CSF2RA: variants seen among roughly 807,000 people sequenced by gnomAD.
CSF2RA encodes the protein colony stimulating factor 2 receptor subunit alpha, also known as granulocyte-macrophage colony-stimulating factor receptor subunit alpha.
Under a neutral mutation model 51.6 loss-of-function variants are expected in CSF2RA, and 42 were observed. The ratio of observed to expected loss-of-function variants is 0.81; its 90% CI spans 0.64 to 1.05. CSF2RA has a LOEUF of 1.05. CSF2RA is among the 50% of genes least tolerant of loss of function. CSF2RA has a pLI of 0.00. For missense variants in CSF2RA, 530 were observed against 501.1 expected, an observed-to-expected ratio of 1.06 and a Z score of -0.55; for synonymous variants, 222 against 193.0, an observed-to-expected ratio of 1.15 and a Z score of -1.24.
the CSF2RA span, among the ~76,000 whole-genome samples, chrX:1,319,560 C>G: frequency 2.0e-4 from 29 of 148,376 alleles, 4 homozygotes; most frequent in East Asian, 5.9e-3. Flanking sequence ...AGTGATGGGT[C>G]TACAGGCATG....
chrX:1,283,999 A>G (rs2090347527), intron 3 of CSF2RA, among the ~76,000 whole-genome samples: 1 of 152,004 alleles, frequency 6.6e-6, no homozygotes, highest in East Asian at 1.9e-4. Context: ...TCAGGAAAGT[A>G]TTTCCAGGTT....
intron 10 of CSF2RA, among the ~76,000 whole-genome samples, 173 bp from the exon 11 acceptor site, chrX:1,303,750 T>A (rs1174084025): frequency 6.6e-6 from 1 of 152,190 alleles, no homozygotes; most frequent in African/African-American, 2.4e-5. Flanking sequence ...GTTGCTTTCA[T>A]CTCAGAGCCA....
chrX:1,290,410 C>G lies in CSF2RA; in HGVS notation c.547C>G (p.Leu183Val), dbSNP rs138354387. 2 of 1,613,614 alleles carry G rather than the reference C, an allele frequency of 1.2e-6. No homozygotes were observed. The highest frequency in any genetic ancestry group is 2.7e-5 in the African/African-American group (2 of 75,014). ...CCATGTGGGATGTCACCTGGATAAC[C>G]TGTCAGGATTAACGTCTCGCAATTA... is the stretch of plus-strand genomic sequence containing the variant. ...GTHVGCHLDN[L>V]SGLTSRNYFL... Residue 183 changes from leucine (L) to valine (V), a missense_variant, in exon 7 of 13, where the codon CTG (leucine) becomes GTG (valine). Transcript: ENST00000381529.
In CSF2RA at chrX:1,303,994, A is replaced by T. The variant is rs1283842495; in HGVS notation, c.1018A>T (p.Ile340Phe). ...AATCGTGGGAACCCTTGTCTGTGGC[A>T]TCGTCCTCGGCTTCCTCTTTAAAAG... ...LLIVGTLVCG[I>F]VLGFLFKRFL... The change falls in exon 11 of 13, where the codon ATC (isoleucine) becomes TTC (phenylalanine). Residue 340 changes from isoleucine to phenylalanine, a missense_variant. Physicochemically the swap from Ile to Phe is conservative, Grantham distance 21. Coordinates refer to ENST00000381529, the MANE Select transcript of CSF2RA (RefSeq NM_172245.4). 1 of 1,612,938 alleles carries T rather than the reference A, an allele frequency of 6.2e-7. No individual in the cohort carries two copies. The highest frequency in any genetic ancestry group is 8.5e-7 in the Non-Finnish European group (1 of 1,179,728).
intron 4 of CSF2RA, chrX:1,287,213 G>C (rs1317202377): frequency 1.3e-5 from 2 of 149,036 alleles, no homozygotes; most frequent in Non-Finnish European, 2.9e-5. Flanking sequence ...GAGTACACTG[G>C]TGTGATCTTG....
the CSF2RA span, among the ~76,000 whole-genome samples, chrX:1,316,694 T>C: frequency 0.73 from 111,085 of 152,058 alleles, 40,806 homozygotes; most frequent in East Asian, 0.87. Flanking sequence ...AACGCCTGGG[T>C]TCTCCTGAAT....
At chrX:1,272,825 CTTT>C (rs769498285) in intron 1 of CSF2RA, among the ~76,000 whole-genome samples, 3 of 131,450 alleles carry the variant, frequency 2.3e-5, no homozygotes, top group African/African-American at 2.7e-5. Context: ...TTCTTTTTTT[CTTT>C]TTTTTTTTTA....
chrX:1,288,655 G>A lies in CSF2RA; in HGVS notation c.343+13G>A, dbSNP rs1442788360. ...TATCCAAATTCAGGTAAGCAAGACA[G>A]CTCAGGGATCCGTTTACAGCACTGG... On this transcript the variant is annotated intron_variant, in intron 5 of 12. Transcript: ENST00000381529. 6.2e-6 allele frequency: 10 copies of A among 1,613,944 alleles called. No individual in the cohort carries two copies. Among genetic ancestry groups the A allele is most frequent in the Non-Finnish European group, 8.5e-6 (10 of 1,179,860 alleles).
chrX:1,306,999 AGTCGGAC>A (rs1220597015), intron 12 of CSF2RA, among the ~76,000 whole-genome samples: 1 of 151,478 alleles, frequency 6.6e-6, no homozygotes, highest in African/African-American at 2.4e-5. Flanking sequence ...AAGACAGAGG[AGTCGGAC>A]TTAGTCTCAG....
chrX:1,318,373 G>C, the CSF2RA span, among the ~76,000 whole-genome samples: 3 of 151,490 alleles, frequency 2.0e-5, no homozygotes, highest in Non-Finnish European at 4.4e-5. Context: ...ATGTTGGCCA[G>C]GCTGGTCTTG....
intron 9 of CSF2RA, among the ~76,000 whole-genome samples, chrX:1,299,617 T>C (rs2092238341): frequency 6.6e-6 from 1 of 151,988 alleles, no homozygotes; most frequent in Non-Finnish European, 1.5e-5. Flanking sequence ...ACAATTTCTG[T>C]TTCAGAAAAT....
chrX:1,314,270 CCTGCCCAACCCCACTGCAT>C (rs1293802844), downstream of CSF2RA, among the ~76,000 whole-genome samples: 6 of 20,318 alleles, frequency 3.0e-4, no homozygotes, highest in East Asian at 2.5e-3. Flanking sequence ...CCCCACTGCG[CCTGCCCAACCCCACTGCAT>C]CTGCCCAACC....
Position 1,296,195 on chromosome X carries a change from A to G in CSF2RA, c.810+739A>G, listed in dbSNP as rs182422317. ...GTCACTACACCTAGTGTAACTAACC[A>G]TACAGTTCCCTATCCATGACCTCTG... On this transcript the variant is annotated intron_variant, in intron 9 of 12. Transcript: ENST00000381529. Among the ~76,000 whole-genome samples the G allele has an allele frequency of 4.1e-3, 587 of 142,388 alleles. 8 individuals are homozygous for G. Among genetic ancestry groups the G allele is most frequent in the African/African-American group, 0.015 (566 of 37,626 alleles). 93.4% of individuals were successfully genotyped at this position (142,388 alleles called of 152,430 possible).
chrX:1,301,542 A>G (rs1281786340), intron 10 of CSF2RA, among the ~76,000 whole-genome samples: 4 of 148,064 alleles, frequency 2.7e-5, no homozygotes, highest in Non-Finnish European at 5.9e-5. Flanking sequence ...GTCCGGTCAA[A>G]CCGTCACCAT....
Position 1,288,499 on chromosome X carries a change from G to A in CSF2RA, c.220-20G>A, listed in dbSNP as rs1241477590. 5 of 1,613,878 alleles carry A rather than the reference G, an allele frequency of 3.1e-6. No individual in the cohort carries two copies. Among genetic ancestry groups the A allele is most frequent in the Non-Finnish European group, 4.2e-6 (5 of 1,179,826 alleles). ...AGAAGGTTGTTTCCTAATCGGCTCT[G>A]TCTGGTTGCAATTCTTCAGCTCAGT... On this transcript the variant is annotated intron_variant, in intron 4 of 12. Transcript: ENST00000381529.
In CSF2RA at chrX:1,292,136, C is replaced by T. The variant is rs772850755; in HGVS notation, c.646+1627C>T. On this transcript the variant is annotated intron_variant, in intron 7 of 12. Transcript: ENST00000381529. Reference sequence around the variant, plus strand: ...CAGTGTAGACAAAGAGGTGTCCCTACTCCACGTCCACCTGGACCCAGTGTA... The same window carrying T: ...CAGTGTAGACAAAGAGGTGTCCCTATTCCACGTCCACCTGGACCCAGTGTA... 1.1e-4 allele frequency among the ~76,000 whole-genome samples: 16 copies of T among 151,544 alleles called. No homozygotes were observed. The East Asian group carries it at 2.7e-3, about 26-fold the overall frequency.
At chrX:1,313,903 A>G (rs183180148), downstream of CSF2RA, among the ~76,000 whole-genome samples, 24 of 152,122 alleles carry the variant, frequency 1.6e-4, no homozygotes, top group African/African-American at 3.4e-4. Context: ...AGGCAGGAGA[A>G]CCGCTTGAAC....
intron 6 of CSF2RA, among the ~76,000 whole-genome samples, chrX:1,289,276 C>T (rs1463154360): frequency 6.6e-6 from 1 of 152,128 alleles, no homozygotes; most frequent in Non-Finnish European, 1.5e-5. Flanking sequence ...TACAGGTGCA[C>T]TCCACCACAC....
rs748973309 is a variant in CSF2RA at position 1,285,938 on chromosome X, T to A, written c.219+18T>A. ...AACCCAGGGTGAGACGAATTTCCCA[T>A]TCTCAACCCCTGTCCTTTACACACC... On this transcript the variant is annotated intron_variant, in intron 4 of 12. Transcript: ENST00000381529. 3.8e-5 allele frequency: 62 copies of A among 1,613,604 alleles called. No individual in the cohort carries two copies. Among genetic ancestry groups the A allele is most frequent in the Non-Finnish European group, 5.3e-5 (62 of 1,179,800 alleles).
Sources: gnomAD v4.1 joint callset for allele counts (sites outside exome capture counted in the v4.1 genomes callset) on GRCh38, gnomAD v4.1.1 for gene constraint, MANE v1.5 for transcripts, NCBI Gene and HGNC (gene_info 2026-07-23, HGNC 2026-07-21) for gene names.